The following SEC16B variants were observed in gnomAD, a reference collection of about 807,000 sequenced individuals.
The protein encoded by SEC16B is protein transport protein Sec16B.
In SEC16B, 115 loss-of-function variants were observed where a neutral mutation model predicts 141.8. That is an observed-to-expected ratio of 0.81 (90% CI 0.70 to 0.95). The LOEUF (loss-of-function observed/expected upper bound fraction) is 0.95, where lower values mean the gene tolerates loss of function less well. Among genes scored for constraint, SEC16B ranks in the 40% least tolerant of loss-of-function variants. The probability of loss-of-function intolerance (pLI) is 0.00; values close to 1 mark genes in which losing one functional copy is unlikely to be tolerated. For missense variants in SEC16B, 1,291 were observed against 1,312.3 expected (o/e 0.98, Z 0.25); for synonymous variants, 493 against 492.5 (o/e 1.00, Z -0.01).
At chr1:177,933,127 G>A in intron 22 of SEC16B, 87 bp downstream of exon 22, 1 of 1,077,164 alleles carries the variant, frequency 9.3e-7, no homozygotes, top group Non-Finnish European at 1.4e-6. Context: ...AGACTCAGGT[G>A]CCAGCTCTGA....
chr1:177,951,800 T>C, intron 12 of SEC16B, 114 bp downstream of exon 12: 3 of 810,406 alleles, frequency 3.7e-6, no homozygotes, highest in African/African-American at 1.7e-5. Flanking sequence ...TAACAAACCA[T>C]TAATATTATC....
intron 24 of SEC16B, among the ~76,000 whole-genome samples, chr1:177,930,844 A>G (rs1650363691): frequency 6.6e-6 from 1 of 152,236 alleles, no homozygotes; most frequent in Non-Finnish European, 1.5e-5. Flanking sequence ...AATGTTCAAC[A>G]TCAATAATCA....
upstream of SEC16B, among the ~76,000 whole-genome samples, chr1:177,970,784 T>C (rs1653909058): frequency 6.6e-6 from 1 of 152,254 alleles, no homozygotes; most frequent in Non-Finnish European, 1.5e-5. Context: ...TGACTACTTC[T>C]GAATTAATAT....
chr1:177,963,243 A>G (rs771528315), intron 5 of SEC16B, among the ~76,000 whole-genome samples: 2 of 152,016 alleles, frequency 1.3e-5, no homozygotes, highest in Non-Finnish European at 2.9e-5. Flanking sequence ...CACTAAGTAT[A>G]CAAAAGAAAT....
At chr1:177,939,820 A>T in intron 17 of SEC16B, 43 bp from the exon 18 acceptor site, 1 of 1,415,890 alleles carries the variant, frequency 7.1e-7, no homozygotes. Flanking sequence ...AGCACAAAGG[A>T]AAAACAAGAA....
rs961299018 is a variant in SEC16B, at chr1:177,975,300, G to A, written c.-58-7261C>T. On this transcript the variant is annotated intron_variant and NMD_transcript_variant, in intron 1 of 24. Coordinates refer to the SEC16B transcript ENST00000528461. ...AGTGCCTGGCATATGACAAGAGCTCGATAAAATTTTATTTATAAATGAATG... is the reference window on the plus strand; with the variant it reads ...AGTGCCTGGCATATGACAAGAGCTCAATAAAATTTTATTTATAAATGAATG... Among the ~76,000 whole-genome samples, 10 of 152,130 alleles carry A rather than the reference G, an allele frequency of 6.6e-5. No individual in the cohort carries two copies. In the East Asian group the frequency reaches 7.7e-4, roughly 12 times the overall value.
intron 1 of SEC16B, among the ~76,000 whole-genome samples, chr1:177,979,428 C>T (rs1171528281): frequency 1.3e-5 from 2 of 152,192 alleles, no homozygotes. Flanking sequence ...TGGATGCATA[C>T]ATGTGTTTAA....
chr1:177,936,467 C>T (rs1012560522), intron 19 of SEC16B, 102 bp from the exon 20 acceptor site: 2 of 1,029,512 alleles, frequency 1.9e-6, no homozygotes, highest in Admixed American at 2.0e-5. Flanking sequence ...TTAACTGCAG[C>T]AGAAGCTCGG....
At chr1:177,934,920 G>A (rs1386909708) in intron 20 of SEC16B, among the ~76,000 whole-genome samples, 1 of 152,066 alleles carries the variant, frequency 6.6e-6, no homozygotes, top group Non-Finnish European at 1.5e-5. Flanking sequence ...CATGGTCGTG[G>A]AGGCCCCATA....
chr1:177,967,303 T>C (rs565205224), intron 2 of SEC16B, among the ~76,000 whole-genome samples: 24 of 152,304 alleles, frequency 1.6e-4, no homozygotes, highest in African/African-American at 5.5e-4. Context: ...GAACTCCTTA[T>C]AGGGATCTCC....
intron 1 of SEC16B, among the ~76,000 whole-genome samples, chr1:177,983,624 A>T (rs968941460): frequency 6.6e-6 from 1 of 152,166 alleles, no homozygotes; most frequent in Non-Finnish European, 1.5e-5. Context: ...CCTTGGGAAC[A>T]GCAGCCACAG....
At chr1:177,931,197 C>T (rs1309647631) in intron 24 of SEC16B, among the ~76,000 whole-genome samples, 2 of 152,108 alleles carry the variant, frequency 1.3e-5, no homozygotes, top group East Asian at 3.8e-4. Flanking sequence ...CTAATGAGTA[C>T]ATAAAGAAAA....
chr1:177,944,969 G>C (rs1379152316), intron 14 of SEC16B, among the ~76,000 whole-genome samples: 2 of 152,182 alleles, frequency 1.3e-5, no homozygotes, highest in African/African-American at 2.4e-5. Flanking sequence ...GGTAACTCAA[G>C]GCAGGCTACC....
chr1:177,962,616 C>T (rs528317342), intron 5 of SEC16B, among the ~76,000 whole-genome samples: 2 of 152,004 alleles, frequency 1.3e-5, no homozygotes, highest in South Asian at 2.1e-4. Flanking sequence ...CATGGTGGTG[C>T]ACAACTATAG....
upstream of SEC16B, among the ~76,000 whole-genome samples, chr1:177,972,220 A>G (rs987552889): frequency 2.6e-5 from 4 of 152,216 alleles, no homozygotes; most frequent in African/African-American, 9.6e-5. Context: ...TAATTATTCT[A>G]TATAGACATA....
intron 19 of SEC16B, among the ~76,000 whole-genome samples, chr1:177,936,846 C>A (rs963762608): frequency 6.6e-6 from 1 of 152,156 alleles, no homozygotes; most frequent in Admixed American, 6.5e-5. Context: ...TGCTGGAGAG[C>A]CTGATAGTAA....
chr1:177,967,876 C>A lies in SEC16B; in HGVS notation c.106G>T (p.Val36Phe). The A allele has an allele frequency of 1.2e-6, 2 of 1,613,968 alleles. No individual in the cohort carries two copies. Among genetic ancestry groups the A allele is most frequent in the Non-Finnish European group, 1.7e-6 (2 of 1,179,874 alleles). The change falls in exon 2 of 26, where the codon GTC becomes TTC. Residue 36 changes from valine (V) to phenylalanine (F), a missense_variant. Val to Phe is a conservative substitution (Grantham distance 50). Coordinates refer to ENST00000308284, the MANE Select transcript of SEC16B (RefSeq NM_033127.4). ...GFRRDGHHRP[V>F]PHSWHNGERF... ...TCTCCATTGTGCCAAGAGTGAGGGA[C>A]AGGCCGATGATGTCCATCTCTCCGA...
At position 177,937,533 on chromosome 1, in the gene SEC16B, G is replaced by A. The variant is rs370059795; in HGVS notation, c.2204-20C>T. 1.1e-4 allele frequency: 160 copies of A among 1,490,390 alleles called. No homozygotes were observed. Among genetic ancestry groups the A allele is most frequent in the Non-Finnish European group, 1.4e-4 (157 of 1,119,078 alleles). 92.3% of individuals were successfully genotyped at this position (1,490,390 alleles called of 1,614,324 possible). On this transcript the variant is annotated intron_variant, in intron 18 of 25. Transcript: ENST00000308284. ...TGTTTTCTAAGGACGTGGAACAAAG[G>A]TAAAGAAGTCAGACCTGAAATGCGG...
At chr1:177,948,323 T>C in intron 12 of SEC16B, 1 of 1,290,852 alleles carries the variant, frequency 7.7e-7, no homozygotes, top group Non-Finnish European at 1.0e-6. Context: ...CATCCTTGGC[T>C]TATGAGTAGA....
Sources: allele counts gnomAD v4.1 joint callset (sites outside exome capture counted in the v4.1 genomes callset), GRCh38; gene constraint gnomAD v4.1.1; transcripts MANE v1.5; gene names NCBI Gene and HGNC (gene_info 2026-07-23, HGNC 2026-07-21).